Variants in TGIF1 observed in about 807,000 individuals in gnomAD.
TGIF1 encodes the protein homeobox protein TGIF1.
Under a neutral mutation model 19.3 loss-of-function variants are expected in TGIF1, and 4 were observed. The ratio of observed to expected loss-of-function variants is 0.21; its 90% CI spans 0.10 to 0.47. The LOEUF is 0.47. Among genes scored for constraint, TGIF1 ranks in the 20% least tolerant of loss-of-function variants. The pLI is 0.98. For synonymous variants in TGIF1, 122 were observed against 129.3 expected, an observed-to-expected ratio of 0.94 and a Z score of 0.38; for missense variants, 275 against 341.4, an observed-to-expected ratio of 0.81 and a Z score of 1.53.
upstream of TGIF1, among the ~76,000 whole-genome samples, chr18:3,448,804 T>C (rs575250541): frequency 2.2e-3 from 328 of 149,866 alleles, no homozygotes; most frequent in Non-Finnish European, 4.0e-3. Context: ...TAGTTATCCC[T>C]TGGCCGTCTT....
At position 3,422,673 on chromosome 18, in the gene TGIF1, C is replaced by CTTTTTTGTT. The variant is rs1481496826; in HGVS notation, c.-45+4464_-45+4465insGTTTTTTTT. On this transcript the variant is annotated intron_variant, in intron 2 of 3. Transcript: ENST00000401449. ...ATGTTAAGTGCCCTATATAGGTGGC[C>CTTTTTTGTT]TTTTTTTTTTTTTTTTTTTTTTTTT... is the stretch of plus-strand genomic sequence containing the variant. 1.1e-3 allele frequency among the ~76,000 whole-genome samples: 28 copies of CTTTTTTGTT among 24,652 alleles called. 6 individuals carry two copies. The highest frequency in any genetic ancestry group is 2.9e-3 in the Non-Finnish European group (18 of 6,136). 16.2% of individuals were successfully genotyped at this position (24,652 alleles called of 152,430 possible).
intron 2 of TGIF1, among the ~76,000 whole-genome samples, chr18:3,429,844 GAACA>G (rs2082523865): frequency 6.6e-6 from 1 of 152,222 alleles, no homozygotes; most frequent in African/African-American, 2.4e-5. Flanking sequence ...TGTCAAAGAG[GAACA>G]AACACAATTA....
At chr18:3,432,017 A>G (rs1218435272) in intron 2 of TGIF1, among the ~76,000 whole-genome samples, 3 of 151,648 alleles carry the variant, frequency 2.0e-5, no homozygotes, top group African/African-American at 4.9e-5. Context: ...AGTCCCAGCT[A>G]CTTGGGAGGC....
intron 2 of TGIF1, among the ~76,000 whole-genome samples, chr18:3,420,401 A>G (rs2143129820): frequency 6.6e-6 from 1 of 152,262 alleles, no homozygotes; most frequent in South Asian, 2.1e-4. Flanking sequence ...AATAATATTA[A>G]TAAAACCAAA....
intron 2 of TGIF1, among the ~76,000 whole-genome samples, chr18:3,429,080 C>T (rs774948159): frequency 1.3e-5 from 2 of 152,036 alleles, no homozygotes; most frequent in Admixed American, 6.6e-5. Context: ...TTTATAGAGA[C>T]GGGCCTTGCT....
chr18:3,412,178 G>A (rs1378612093), exon 1 of TGIF1: 1 of 152,202 alleles, frequency 6.6e-6, no homozygotes, highest in Non-Finnish European at 1.5e-5. Flanking sequence ...GCCCCGCCGC[G>A]ATCCCGAGGC....
intron 2 of TGIF1, among the ~76,000 whole-genome samples, chr18:3,432,144 ACAC>A (rs1568034998): frequency 7.2e-6 from 1 of 138,464 alleles, no homozygotes. Context: ...AAAAAAAAAA[ACAC>A]TAAGAAAGCT....
chr18:3,451,697 G>A lies in TGIF1; in HGVS notation c.16+1192G>A. On this transcript the variant is annotated intron_variant, in intron 1 of 2. Transcript: ENST00000343820. This position sits in a 1 kb window ranked among gnomAD's most constrained non-coding sequence, Gnocchi z 5.4. ...TCTGTGGGAGGCCCTGAAACGCGCG[G>A]AGCTTCCCTCTGCCTCCAGGCTTTC... The A allele has an allele frequency of 8.3e-7, 1 of 1,211,246 alleles. No individual in the cohort carries two copies. The highest frequency in any genetic ancestry group is 3.4e-5 in the East Asian group (1 of 29,072). The allele number at this position is 1,211,246 out of a possible 1,614,324, so 75.0% of individuals were successfully genotyped here.
rs2049432116 is a variant in TGIF1, at chr18:3,458,391, ATAAAG to A, written c.*454_*458del. 5.9e-6 allele frequency: 1 copy of A among 169,030 alleles called. No individual in the cohort carries two copies. Among genetic ancestry groups the A allele is most frequent in the Non-Finnish European group, 1.3e-5 (1 of 78,354 alleles). 10.5% of individuals were successfully genotyped at this position (169,030 alleles called of 1,614,324 possible). ...TTGATGCCTTTTTTTTCATGACATA[ATAAAG>A]TATTTTCTTTAAAAATTGTTGTAAT... is the stretch of plus-strand genomic sequence containing the variant. On this transcript the variant is annotated 3_prime_UTR_variant, in exon 3 of 3. Transcript: ENST00000343820.
rs2049343605 is a variant in TGIF1 at position 3,456,081 on chromosome 18, T to G, written c.17-273T>G. The G allele has an allele frequency of 2.0e-6, 1 of 499,020 alleles. No individual in the cohort carries two copies. Among genetic ancestry groups the G allele is most frequent in the East Asian group, 3.7e-5 (1 of 26,798 alleles). 30.9% of individuals were successfully genotyped at this position (499,020 alleles called of 1,614,324 possible). ...CCAATGATTAGACGAAAGAGTTTTC[T>G]GACCATCATTCAAAAGGAATGTGAG... is the stretch of plus-strand genomic sequence containing the variant. On this transcript the variant is annotated intron_variant, in intron 1 of 2. Transcript: ENST00000343820. The surrounding 1 kb of genome is among the most constrained non-coding windows in gnomAD (Gnocchi z 4.2).
Position 3,413,574 on chromosome 18 carries a change from A to G in TGIF1, c.-118+1320A>G, listed in dbSNP as rs575277926. Among the ~76,000 whole-genome samples the G allele has an allele frequency of 1.4e-4, 21 of 147,358 alleles. No individual in the cohort carries two copies. In the South Asian group the frequency reaches 4.1e-3, roughly 29 times the overall value. On this transcript the variant is annotated intron_variant, in intron 1 of 3. Transcript: ENST00000401449. ...TATAAAGATTATTCTTGAGAATTTT[A>G]TAAGGTTTTTTTTTGGCCTGGACGG...
upstream of TGIF1, chr18:3,447,912 TTCTCGGTTCCCA>T: frequency 1.3e-6 from 2 of 1,495,518 alleles, no homozygotes; most frequent in Non-Finnish European, 9.3e-7. Flanking sequence ...CCCTTTCCAA[TTCTCGGTTCCCA>T]TCTCGGTTGC....
chr18:3,445,753 AG>A (rs372508874), upstream of TGIF1, among the ~76,000 whole-genome samples: 630 of 89,220 alleles, frequency 7.1e-3, no homozygotes, highest in Middle Eastern at 0.013. Context: ...AAAAAAAAAA[AG>A]AGAAGAAAAG....
At chr18:3,412,494 G>C (rs540853050) in intron 1 of TGIF1, among the ~76,000 whole-genome samples, 2 of 152,288 alleles carry the variant, frequency 1.3e-5, no homozygotes, top group African/African-American at 4.8e-5. Context: ...CTGCTACCTG[G>C]GAGGTGAAGA....
intron 2 of TGIF1, among the ~76,000 whole-genome samples, chr18:3,428,080 G>C (rs1598864975): frequency 6.6e-6 from 1 of 152,260 alleles, no homozygotes; most frequent in East Asian, 1.9e-4. Flanking sequence ...CATTTGCATT[G>C]TTGATGTGGA....
At chr18:3,452,472 T>G in intron 1 of TGIF1, 1 of 1,584,044 alleles carries the variant, frequency 6.3e-7, no homozygotes, top group Non-Finnish European at 8.6e-7. Flanking sequence ...CTTTCCCCTT[T>G]TAGGTTTCCC....
intron 2 of TGIF1, among the ~76,000 whole-genome samples, chr18:3,430,847 T>C (rs2082538025): frequency 6.6e-6 from 1 of 152,052 alleles, no homozygotes. Context: ...ATAATAGATA[T>C]AGTCCACATA....
upstream of TGIF1, chr18:3,449,591 C>T (rs1426399875): frequency 1.0e-6 from 1 of 984,166 alleles, no homozygotes; most frequent in Admixed American, 6.2e-5. Context: ...GAGGAAGAGC[C>T]CCGGGAGGAG....
At chr18:3,412,148 C>A in exon 1 of TGIF1, 1 of 152,534 alleles carries the variant, frequency 6.6e-6, no homozygotes, top group South Asian at 2.0e-4. Flanking sequence ...GCCTGCGGTT[C>A]CAGCCCCGCC....
Sources: allele counts gnomAD v4.1 joint callset (sites outside exome capture counted in the v4.1 genomes callset), GRCh38; gene constraint gnomAD v4.1.1; non-coding constraint Gnocchi (gnomAD v3.1); transcripts MANE v1.5; gene names NCBI Gene and HGNC (gene_info 2026-07-23, HGNC 2026-07-21).